CDH12: variants seen among roughly 807,000 people sequenced by gnomAD.
The protein encoded by CDH12 is cadherin-12.
CDH12 carries 41 observed loss-of-function variants against 74.1 expected under a neutral mutation model. The ratio of observed to expected loss-of-function variants is 0.55; its 90% CI spans 0.43 to 0.72. The LOEUF (loss-of-function observed/expected upper bound fraction) is 0.72, where lower values mean the gene tolerates loss of function less well. Ranked by LOEUF, CDH12 falls within the 30% of genes least tolerant of loss-of-function variation. The pLI is 0.00. For missense variants in CDH12, 945 were observed against 977.2 expected (o/e 0.97, Z 0.44); for synonymous variants, 399 against 355.0 (o/e 1.12, Z -1.39).
chr5:22,527,284 A>T (rs1040625102), intron 1 of CDH12, among the ~76,000 whole-genome samples: 13 of 152,240 alleles, frequency 8.5e-5, no homozygotes, highest in African/African-American at 2.9e-4. Context: ...TGCTGGGTCT[A>T]TAAACTGGCT....
chr5:22,525,359 T>C (rs1252038810), intron 1 of CDH12, among the ~76,000 whole-genome samples: 1 of 152,100 alleles, frequency 6.6e-6, no homozygotes, highest in African/African-American at 2.4e-5. Flanking sequence ...CTCAGTAGAA[T>C]GGGACAGGGG....
chr5:22,758,380 T>C (rs957012320), intron 1 of CDH12, among the ~76,000 whole-genome samples: 5 of 152,114 alleles, frequency 3.3e-5, no homozygotes, highest in Admixed American at 1.3e-4. Context: ...ACAGCCACTA[T>C]CAGTAGCAGC....
At chr5:22,766,005 G>A (rs545430547) in intron 1 of CDH12, among the ~76,000 whole-genome samples, 8 of 151,934 alleles carry the variant, frequency 5.3e-5, no homozygotes, top group African/African-American at 1.2e-4. Context: ...AACTAAAATG[G>A]TCAATAAACT....
At chr5:22,114,289 A>G (rs1410252589) in intron 4 of CDH12, among the ~76,000 whole-genome samples, 1 of 152,064 alleles carries the variant, frequency 6.6e-6, no homozygotes, top group Non-Finnish European at 1.5e-5. Context: ...ACCTTCTTTT[A>G]TATGCTATTC....
intron 1 of CDH12, among the ~76,000 whole-genome samples, chr5:22,551,309 C>CT (rs893625554): frequency 3.9e-5 from 6 of 152,154 alleles, no homozygotes; most frequent in Non-Finnish European, 5.9e-5. Context: ...TGGTCTTAGA[C>CT]TTTGAGTCTC....
chr5:22,743,412 G>A (rs777258461), intron 1 of CDH12, among the ~76,000 whole-genome samples: 11 of 151,640 alleles, frequency 7.3e-5, no homozygotes, highest in Non-Finnish European at 1.0e-4. Context: ...CCTGGCTGGG[G>A]GAAGCAGTAT....
chr5:22,327,017 AT>A (rs992682191), intron 3 of CDH12, among the ~76,000 whole-genome samples: 5 of 151,424 alleles, frequency 3.3e-5, no homozygotes, highest in East Asian at 3.9e-4. Context: ...AATTTGGGGG[AT>A]TTTTTTTTAT....
At chr5:21,832,764 G>A (rs951739554) in intron 8 of CDH12, among the ~76,000 whole-genome samples, 2 of 125,600 alleles carry the variant, frequency 1.6e-5, no homozygotes, top group African/African-American at 6.3e-5. Flanking sequence ...TCATATATAT[G>A]ATATATATTA....
At chr5:22,098,253 C>T (rs993527527) in intron 4 of CDH12, among the ~76,000 whole-genome samples, 13 of 152,170 alleles carry the variant, frequency 8.5e-5, no homozygotes, top group African/African-American at 2.9e-4. Flanking sequence ...ATTTCTTCCT[C>T]ATCTGTTACC....
intron 4 of CDH12, among the ~76,000 whole-genome samples, chr5:22,129,368 TCTA>T (rs1316202110): frequency 6.6e-6 from 1 of 152,164 alleles, no homozygotes; most frequent in East Asian, 1.9e-4. Flanking sequence ...TTGGACTGGA[TCTA>T]CTATTACACT....
intron 1 of CDH12, among the ~76,000 whole-genome samples, chr5:22,510,724 T>A (rs1736566732): frequency 6.6e-6 from 1 of 152,278 alleles, no homozygotes; most frequent in South Asian, 2.1e-4. Flanking sequence ...TTATTTTTCA[T>A]TGTTATAATT....
intron 3 of CDH12, among the ~76,000 whole-genome samples, chr5:22,271,286 G>A (rs1736389027): frequency 6.6e-6 from 1 of 152,102 alleles, no homozygotes; most frequent in South Asian, 2.1e-4. Context: ...CTCATCCGTT[G>A]GAAGCAATTC....
At chr5:22,649,931 A>G (rs1739644730) in intron 1 of CDH12, among the ~76,000 whole-genome samples, 1 of 151,968 alleles carries the variant, frequency 6.6e-6, no homozygotes, top group South Asian at 2.1e-4. Context: ...ATTAACAAAT[A>G]CAAATTATAT....
intron 4 of CDH12, among the ~76,000 whole-genome samples, chr5:22,082,318 G>A (rs1420855972): frequency 6.6e-6 from 1 of 152,090 alleles, no homozygotes; most frequent in East Asian, 1.9e-4. Flanking sequence ...GCATATCCAA[G>A]TTGCCAGCAT....
chr5:22,279,137 C>T (rs1201920618), intron 3 of CDH12, among the ~76,000 whole-genome samples: 1 of 151,908 alleles, frequency 6.6e-6, no homozygotes, highest in African/African-American at 2.4e-5. Context: ...ATGCTTTTAC[C>T]ACTCAAAAAT....
At position 22,155,740 on chromosome 5, in the gene CDH12, A is replaced by G. The variant is rs540859674; in HGVS notation, c.-187+56758T>C. ...TGTATTAGCATAAGTCATATGTTTAAGGAAATATATTCCTAAACAATAGGA... is the reference window on the plus strand; with the variant it reads ...TGTATTAGCATAAGTCATATGTTTAGGGAAATATATTCCTAAACAATAGGA... On this transcript the variant is annotated intron_variant, in intron 4 of 14. Coordinates refer to ENST00000382254, the MANE Select transcript of CDH12 (RefSeq NM_004061.5). 5.9e-5 allele frequency among the ~76,000 whole-genome samples: 9 copies of G among 152,244 alleles called. No homozygotes were observed. In the South Asian group the frequency reaches 6.2e-4, roughly 11 times the overall value.
chr5:22,109,142 A>T (rs1014092372), intron 4 of CDH12, among the ~76,000 whole-genome samples: 14 of 152,150 alleles, frequency 9.2e-5, no homozygotes, highest in Non-Finnish European at 1.9e-4. Flanking sequence ...TTTGGGGGAG[A>T]CAATTTTCCA....
At chr5:21,939,996 G>A (rs930581943) in intron 6 of CDH12, among the ~76,000 whole-genome samples, 1 of 152,060 alleles carries the variant, frequency 6.6e-6, no homozygotes, top group African/African-American at 2.4e-5. Flanking sequence ...CACAGTGAGT[G>A]GACCACTTGA....
intron 3 of CDH12, among the ~76,000 whole-genome samples, chr5:22,253,365 G>A (rs912488285): frequency 6.6e-6 from 1 of 151,694 alleles, no homozygotes; most frequent in Non-Finnish European, 1.5e-5. Flanking sequence ...TAAAACTGGT[G>A]CATCATTTAC....
Sources: allele counts gnomAD v4.1 joint callset (sites outside exome capture counted in the v4.1 genomes callset), GRCh38; gene constraint gnomAD v4.1.1; transcripts MANE v1.5; gene names NCBI Gene and HGNC (gene_info 2026-07-23, HGNC 2026-07-21).